ASIC2: variants seen among roughly 807,000 people sequenced by gnomAD.
ASIC2 encodes acid-sensing ion channel 2.
ASIC2 carries 25 observed loss-of-function variants against 57.3 expected under a neutral mutation model. The ratio of observed to expected loss-of-function variants is 0.44; its 90% confidence interval spans 0.32 to 0.61. ASIC2 has a LOEUF of 0.61. ASIC2 is among the 20% of genes least tolerant of loss of function. ASIC2 has a pLI of 0.06. For synonymous variants in ASIC2, 319 were observed against 307.5 expected (o/e 1.04, Z -0.39); for missense variants, 641 against 738.1 (o/e 0.87, Z 1.52).
chr17:33,771,942 A>C (rs1242782522), intron 1 of ASIC2, among the ~76,000 whole-genome samples: 1 of 152,170 alleles, frequency 6.6e-6, no homozygotes, highest in Non-Finnish European at 1.5e-5. Context: ...AGTATGTAGT[A>C]TGTAAATTGT....
chr17:33,267,799 G>T (rs545039184), intron 1 of ASIC2, among the ~76,000 whole-genome samples: 16 of 152,150 alleles, frequency 1.1e-4, no homozygotes, highest in Non-Finnish European at 2.2e-4. Flanking sequence ...AGTGTGGGGT[G>T]AGTAGCACAT....
intron 1 of ASIC2, among the ~76,000 whole-genome samples, chr17:33,545,842 A>C (rs1278340095): frequency 6.6e-6 from 1 of 152,084 alleles, no homozygotes; most frequent in Non-Finnish European, 1.5e-5. Flanking sequence ...CATTCAATTT[A>C]TTTTACGTTC....
chr17:34,007,655 C>T (rs1465160599), intron 1 of ASIC2, among the ~76,000 whole-genome samples: 7 of 152,194 alleles, frequency 4.6e-5, no homozygotes, highest in South Asian at 2.1e-4. Flanking sequence ...AACTCCTGGT[C>T]CAGTGCTCTT....
chr17:33,620,879 C>A (rs984772338), intron 1 of ASIC2, among the ~76,000 whole-genome samples: 1 of 152,090 alleles, frequency 6.6e-6, no homozygotes, highest in South Asian at 2.1e-4. Context: ...CATGCACCCC[C>A]AGCCCCCACA....
intron 1 of ASIC2, among the ~76,000 whole-genome samples, chr17:33,403,322 T>A (rs1325100828): frequency 6.6e-6 from 1 of 152,230 alleles, no homozygotes. Flanking sequence ...TACCTCCACT[T>A]CCTTCTTCCC....
At chr17:33,105,611 G>A (rs2141981222) in intron 2 of ASIC2, among the ~76,000 whole-genome samples, 1 of 152,348 alleles carries the variant, frequency 6.6e-6, no homozygotes, top group East Asian at 1.9e-4. Context: ...AGTTGGACAA[G>A]TTTGGAGGGC....
intron 1 of ASIC2, among the ~76,000 whole-genome samples, chr17:33,786,562 G>A (rs866667883): frequency 2.6e-5 from 4 of 152,048 alleles, no homozygotes; most frequent in Non-Finnish European, 5.9e-5. Context: ...GTAAAGAATG[G>A]CTTTTTAAAT....
intron 3 of ASIC2, among the ~76,000 whole-genome samples, chr17:33,037,703 T>G (rs2091914929): frequency 1.3e-5 from 2 of 152,206 alleles, no homozygotes; most frequent in Admixed American, 1.3e-4. Flanking sequence ...GACACAAGAA[T>G]AGTTGTAATA....
chr17:33,908,472 G>T (rs1333165049), intron 1 of ASIC2, among the ~76,000 whole-genome samples: 1 of 152,200 alleles, frequency 6.6e-6, no homozygotes, highest in East Asian at 1.9e-4. Flanking sequence ...AGGAGAGACA[G>T]ATGGTGAGAA....
intron 1 of ASIC2, among the ~76,000 whole-genome samples, chr17:33,500,602 A>C (rs150883901): frequency 6.6e-6 from 1 of 152,342 alleles, no homozygotes; most frequent in East Asian, 1.9e-4. Flanking sequence ...TGGATTCCCC[A>C]GTTACGTAGC....
chr17:33,621,020 G>A (rs962963849), intron 1 of ASIC2, among the ~76,000 whole-genome samples: 2 of 152,086 alleles, frequency 1.3e-5, no homozygotes, highest in African/African-American at 4.8e-5. Flanking sequence ...CTCCAGGAAT[G>A]CTCTTCCCCC....
chr17:34,106,058 C>T (rs994083459), intron 1 of ASIC2, among the ~76,000 whole-genome samples: 1 of 151,958 alleles, frequency 6.6e-6, no homozygotes, highest in Non-Finnish European at 1.5e-5. Flanking sequence ...TCGAATGTTT[C>T]CACAGTCTTT....
intron 1 of ASIC2, among the ~76,000 whole-genome samples, chr17:33,965,193 C>T (rs531724468): frequency 2.0e-5 from 3 of 152,314 alleles, no homozygotes; most frequent in Admixed American, 6.5e-5. Flanking sequence ...GCTGATATTC[C>T]ACTTTATAGA....
chr17:33,240,541 G>A (rs533169533), intron 1 of ASIC2, among the ~76,000 whole-genome samples: 2 of 152,342 alleles, frequency 1.3e-5, no homozygotes, highest in East Asian at 1.9e-4. Context: ...CAGGGACCCT[G>A]CCAGGCACTG....
chr17:33,122,807 T>C (rs1484453757), intron 1 of ASIC2, among the ~76,000 whole-genome samples: 2 of 152,140 alleles, frequency 1.3e-5, no homozygotes, highest in Non-Finnish European at 1.5e-5. Flanking sequence ...TTGATCAACA[T>C]CTCCCCATTC....
At chr17:33,329,801 G>T (rs953090493) in intron 1 of ASIC2, among the ~76,000 whole-genome samples, 1 of 152,082 alleles carries the variant, frequency 6.6e-6, no homozygotes, top group Admixed American at 6.5e-5. Context: ...TGTTTGTGAG[G>T]ATCAGAGACA....
rs1567813275 is a variant in ASIC2 at position 33,292,920 on chromosome 17, C to T, written c.-805G>A. Reference sequence around the variant, plus strand: ...TCAGGGCGTCCTGCGGGAGGCTGTTCGCCGCCGGGGTCCTTCAAGGATGCT... The same window carrying T: ...TCAGGGCGTCCTGCGGGAGGCTGTTTGCCGCCGGGGTCCTTCAAGGATGCT... On this transcript the variant is annotated 5_prime_UTR_variant, in exon 1 of 10. Coordinates refer to ENST00000225823, the MANE Select transcript of ASIC2 (RefSeq NM_183377.2). 4.1e-6 allele frequency: 4 copies of T among 985,544 alleles called. No individual in the cohort carries two copies. Among genetic ancestry groups the T allele is most frequent in the Non-Finnish European group, 4.8e-6 (4 of 830,012 alleles). The allele number at this position is 985,544 out of a possible 1,614,324, so 61.0% of individuals were successfully genotyped here. A position where few individuals can be genotyped will look rare whatever the true frequency, so the allele number is the denominator to read the frequency against.
At chr17:34,046,524 C>A (rs2142049906) in intron 1 of ASIC2, among the ~76,000 whole-genome samples, 2 of 152,340 alleles carry the variant, frequency 1.3e-5, no homozygotes, top group Non-Finnish European at 2.9e-5. Flanking sequence ...AGATGACCTT[C>A]TGCCAAGGAC....
chr17:34,126,589 G>T (rs915250295), intron 1 of ASIC2, among the ~76,000 whole-genome samples: 1 of 152,134 alleles, frequency 6.6e-6, no homozygotes, highest in Non-Finnish European at 1.5e-5. Context: ...GGAGTTGGCT[G>T]ATCCATTACC....
Sources: allele counts gnomAD v4.1 joint callset (sites outside exome capture counted in the v4.1 genomes callset), GRCh38; gene constraint gnomAD v4.1.1; transcripts MANE v1.5; gene names NCBI Gene and HGNC (gene_info 2026-07-23, HGNC 2026-07-21).